The following ADAMDEC1 variants were observed in gnomAD, a reference collection of about 807,000 sequenced individuals.
The protein encoded by ADAMDEC1 is ADAM like decysin 1.
ADAMDEC1 carries 62 observed loss-of-function variants against 60.4 expected under a neutral mutation model. That is an observed-to-expected ratio of 1.03 (90% CI 0.84 to 1.27). ADAMDEC1 has a LOEUF of 1.27. Among genes scored for constraint, ADAMDEC1 ranks in the 50% most tolerant of loss-of-function variants. The pLI is 0.00. For missense variants in ADAMDEC1, 595 were observed against 565.0 expected (o/e 1.05, Z -0.54); for synonymous variants, 210 against 195.1 (o/e 1.08, Z -0.64).
chr8:24,395,842 T>C (rs1051584706), intron 5 of ADAMDEC1, 46 bp downstream of exon 5: 2 of 1,455,664 alleles, frequency 1.4e-6, no homozygotes, highest in African/African-American at 1.4e-5. Flanking sequence ...AGCTTTTTGT[T>C]ACACAGAATT....
chr8:24,398,694 A>G, intron 8 of ADAMDEC1, 143 bp downstream of exon 8: 1 of 916,688 alleles, frequency 1.1e-6, no homozygotes, highest in Non-Finnish European at 1.7e-6. Context: ...CAGAACAAGC[A>G]TCAACATCAA....
At chr8:24,389,428 T>C (rs1333925992) in intron 1 of ADAMDEC1, among the ~76,000 whole-genome samples, 1 of 152,154 alleles carries the variant, frequency 6.6e-6, no homozygotes, top group Non-Finnish European at 1.5e-5. Context: ...CTGCTTCCAC[T>C]GATACCACTT....
In ADAMDEC1 at chr8:24,402,192, C is replaced by T. The variant is rs538821274; in HGVS notation, c.1320+100C>T. On this transcript the variant is annotated intron_variant, in intron 12 of 13. Coordinates refer to ENST00000256412, the MANE Select transcript of ADAMDEC1 (RefSeq NM_014479.3). ...TTCTTTCTAAAGACAAACTTGGCAT[C>T]GTAGTTAAAAAGGAGATTTGTGCTT... 33 of 1,125,610 alleles carry T rather than the reference C, an allele frequency of 2.9e-5. No individual in the cohort carries two copies. In the Middle Eastern group the frequency reaches 9.7e-4, roughly 33 times the overall value. The allele number at this position is 1,125,610 out of a possible 1,614,324, so 69.7% of individuals were successfully genotyped here.
rs536645072 is a variant in ADAMDEC1, at chr8:24,386,636, T to C, written c.88+2044T>C. On this transcript the variant is annotated intron_variant, in intron 1 of 13. Coordinates refer to ENST00000256412, the MANE Select transcript of ADAMDEC1 (RefSeq NM_014479.3). ...GTCTTCTAGATCTTATCCCTTCTCA[T>C]ACAAGGACATTGACCTAACATTTTC... is the stretch of plus-strand genomic sequence containing the variant. 2.0e-5 allele frequency among the ~76,000 whole-genome samples: 3 copies of C among 152,326 alleles called. No homozygotes were observed. The East Asian group carries it at 5.8e-4, about 29-fold the overall frequency.
chr8:24,386,827 G>A lies in ADAMDEC1; in HGVS notation c.88+2235G>A, dbSNP rs567053840. ...TCTGTCCCGCAGACCCTGGCTGACC[G>A]ATGAAGTGAGTACTCAGACACAGGT... On this transcript the variant is annotated intron_variant, in intron 1 of 13. Transcript: ENST00000256412. Among the ~76,000 whole-genome samples, 13 of 152,270 alleles carry A rather than the reference G, an allele frequency of 8.5e-5. No individual in the cohort carries two copies. In the South Asian group the frequency reaches 2.1e-3, roughly 24 times the overall value.
At chr8:24,399,229 G>A (rs766215570) in intron 9 of ADAMDEC1, among the ~76,000 whole-genome samples, 164 bp from the exon 10 acceptor site, 15 of 152,162 alleles carry the variant, frequency 9.9e-5, no homozygotes, top group Non-Finnish European at 1.9e-4. Context: ...TTGGATATAA[G>A]ATAACCATCT....
intron 1 of ADAMDEC1, among the ~76,000 whole-genome samples, chr8:24,385,573 G>A (rs574736103): frequency 6.6e-6 from 1 of 152,190 alleles, no homozygotes; most frequent in South Asian, 2.1e-4. Context: ...ATTTAGTAAG[G>A]ATGTCTCTGG....
At position 24,399,491 on chromosome 8, in the gene ADAMDEC1, T is replaced by C. The variant is rs1450900571; in HGVS notation, c.1011+17T>C. ...GTTATTGAGGTTTGTAAATTTGTAG[T>C]AAGGCTCTCTGTGGTTCTGTATCCT... On this transcript the variant is annotated intron_variant, in intron 10 of 13. Transcript: ENST00000256412. 6.3e-7 allele frequency: 1 copy of C among 1,598,206 alleles called. No individual in the cohort carries two copies. Among genetic ancestry groups the C allele is most frequent in the Admixed American group, 1.7e-5 (1 of 59,986 alleles).
At chr8:24,391,306 A>G (rs1248899600) in intron 1 of ADAMDEC1, among the ~76,000 whole-genome samples, 1 of 152,232 alleles carries the variant, frequency 6.6e-6, no homozygotes, top group East Asian at 1.9e-4. Context: ...CTGACCTTGT[A>G]TGAATGATTG....
Position 24,405,365 on chromosome 8 carries a change from A to G in ADAMDEC1, c.*67A>G. On this transcript the variant is annotated 3_prime_UTR_variant, in exon 14 of 14. Transcript: ENST00000256412. ...AAGAACCAAGAACTCTAACTGTCCC[A>G]GGAATCTTGTGAATTTTCACCCATA... is the stretch of plus-strand genomic sequence containing the variant. 1 of 1,570,398 alleles carries G rather than the reference A, an allele frequency of 6.4e-7. No homozygotes were observed. The highest frequency in any genetic ancestry group is 1.1e-5 in the South Asian group (1 of 87,696).
chr8:24,404,070 A>G lies in ADAMDEC1; in HGVS notation c.1388A>G (p.Asp463Gly), dbSNP rs1305704040. 9 of 1,613,658 alleles carry G rather than the reference A, an allele frequency of 5.6e-6. No individual in the cohort carries two copies. In the South Asian group the frequency reaches 9.9e-5, roughly 18 times the overall value. Residue 463 changes from aspartate (D) to glycine (G), a missense_variant, in exon 13 of 14, where the codon GAT (aspartate) becomes GGT (glycine). Coordinates refer to ENST00000256412, the MANE Select transcript of ADAMDEC1 (RefSeq NM_014479.3). ...AAGCCTGGAACTGATTGCGGAGGAG[A>G]TGCTCCAAACCATACCACGTAAGAC... ...KLKPGTDCGG[D>G]APNHTTE
chr8:24,398,691 A>G (rs1817678854), intron 8 of ADAMDEC1, 140 bp downstream of exon 8: 1 of 912,702 alleles, frequency 1.1e-6, no homozygotes, highest in African/African-American at 1.7e-5. Flanking sequence ...TAGCAGAACA[A>G]GCATCAACAT....
At chr8:24,401,100 A>C (rs1434339371) in intron 11 of ADAMDEC1, among the ~76,000 whole-genome samples, 1 of 152,098 alleles carries the variant, frequency 6.6e-6, no homozygotes, top group Admixed American at 6.6e-5. Context: ...AATCTTTAAG[A>C]ATTCGGAAGC....
chr8:24,392,361 C>A lies in ADAMDEC1; in HGVS notation c.188C>A (p.Thr63Lys). Residue 63 changes from threonine (T) to lysine (K), a missense_variant, in exon 2 of 14, where the codon ACA becomes AAA. Transcript: ENST00000256412. Reference protein sequence around the residue: ...LHKREIKNNQTEKHGKEERYE... With the variant: ...LHKREIKNNQKEKHGKEERYE... ...AAAAGAGAGATCAAGAACAACCAGA[C>A]AGAAAAGCATGGCAAAGAGGTAAGC... 1.9e-6 allele frequency: 3 copies of A among 1,610,400 alleles called. No homozygotes were observed. Among genetic ancestry groups the A allele is most frequent in the Non-Finnish European group, 2.5e-6 (3 of 1,177,918 alleles).
intron 12 of ADAMDEC1, 88 bp from the exon 13 acceptor site, chr8:24,403,915 A>T: frequency 9.7e-7 from 1 of 1,029,194 alleles, no homozygotes; most frequent in Non-Finnish European, 1.5e-6. Flanking sequence ...GTAAACTTTC[A>T]TTGCCATCTT....
At chr8:24,398,015 T>C (rs972823) in intron 7 of ADAMDEC1, among the ~76,000 whole-genome samples, 73,531 of 150,946 alleles carry the variant, frequency 0.49, 18,147 homozygotes, top group East Asian at 0.6. Context: ...GAACGCATTA[T>C]TAAAATATTG....
At chr8:24,400,632 C>CATATATATATATATATATATATATATAT (rs35748437) in intron 11 of ADAMDEC1, among the ~76,000 whole-genome samples, 21 of 145,856 alleles carry the variant, frequency 1.4e-4, no homozygotes, top group African/African-American at 5.3e-4. Flanking sequence ...TGTTTCTTTT[C>CATATATATATATATATATATATATATAT]ATATATATAT....
chr8:24,389,969 A>C (rs1817395229), intron 1 of ADAMDEC1, among the ~76,000 whole-genome samples: 1 of 152,184 alleles, frequency 6.6e-6, no homozygotes, highest in Non-Finnish European at 1.5e-5. Context: ...GATATATTTC[A>C]TCACCATAGT....
In ADAMDEC1 at chr8:24,402,067, A is replaced by G; in HGVS notation, c.1295A>G (p.Glu432Gly). The change falls in exon 12 of 14, where the codon GAA becomes GGA. Residue 432 changes from glutamate (E) to glycine (G), a missense_variant. Glu to Gly is a moderately conservative substitution (Grantham distance 98). Coordinates refer to ENST00000256412, the MANE Select transcript of ADAMDEC1 (RefSeq NM_014479.3). ...GGGAACCACCTTCTAGAAGTGGGAG[A>G]AGACTGTGATTGTGGCTCTCCTAAG... ...VCGNHLLEVG[E>G]DCDCGSPKEC... 6.2e-7 allele frequency: 1 copy of G among 1,611,976 alleles called. No homozygotes were observed. Among genetic ancestry groups the G allele is most frequent in the South Asian group, 1.1e-5 (1 of 90,892 alleles).
Sources: gnomAD v4.1 joint callset for allele counts (sites outside exome capture counted in the v4.1 genomes callset) on GRCh38, gnomAD v4.1.1 for gene constraint, MANE v1.5 for transcripts, NCBI Gene and HGNC (gene_info 2026-07-23, HGNC 2026-07-21) for gene names.